YWHAE: variants seen among roughly 807,000 people sequenced by gnomAD.
YWHAE encodes the protein 14-3-3 protein epsilon.
A neutral mutation model predicts 30.1 loss-of-function variants in YWHAE; 4 were observed. That is an observed-to-expected ratio of 0.13 (90% CI 0.07 to 0.30). The LOEUF is 0.30. YWHAE is among the 10% of genes least tolerant of loss of function. YWHAE has a pLI of 1.00. For missense variants in YWHAE, 121 were observed against 315.9 expected (o/e 0.38, Z 4.68); for synonymous variants, 118 against 111.8 (o/e 1.06, Z -0.35).
In YWHAE at chr17:1,384,518, T is replaced by C. The variant is rs540230970; in HGVS notation, c.64+15529A>G. On this transcript the variant is annotated intron_variant, in intron 1 of 5. Coordinates refer to ENST00000264335, the MANE Select transcript of YWHAE (RefSeq NM_006761.5). ...CATCCTGGCTAACACGGTGAAACCC[T>C]GTCTCTACTAAAAATACAAAAAAAA... is the stretch of plus-strand genomic sequence containing the variant. Among the ~76,000 whole-genome samples, 324 of 128,540 alleles carry C rather than the reference T, an allele frequency of 2.5e-3. 1 individual carries two copies. The highest frequency in any genetic ancestry group is 0.012 in the South Asian group (46 of 3,808). The allele number at this position is 128,540 out of a possible 152,430, so 84.3% of individuals were successfully genotyped here.
At chr17:1,374,421 G>GT (rs1661690507) in intron 1 of YWHAE, among the ~76,000 whole-genome samples, 1 of 151,926 alleles carries the variant, frequency 6.6e-6, no homozygotes, top group Non-Finnish European at 1.5e-5. Flanking sequence ...TTAAGTTTTT[G>GT]TATGAATAAA....
intron 2 of YWHAE, among the ~76,000 whole-genome samples, chr17:1,364,215 T>C (rs191712994): frequency 4.2e-3 from 533 of 127,800 alleles, no homozygotes; most frequent in Middle Eastern, 0.011. Flanking sequence ...ACCCAATATA[T>C]TGGTTTTTGG....
At chr17:1,349,220 A>C (rs188653853) in intron 5 of YWHAE, among the ~76,000 whole-genome samples, 9 of 151,892 alleles carry the variant, frequency 5.9e-5, no homozygotes, top group Admixed American at 5.9e-4. Flanking sequence ...GGGCACCTGT[A>C]GTCCCAGCAA....
chr17:1,363,025 G>A (rs150623041), intron 2 of YWHAE, among the ~76,000 whole-genome samples: 533 of 152,086 alleles, frequency 3.5e-3, no homozygotes, highest in Middle Eastern at 0.01. Flanking sequence ...AGTATCTACA[G>A]CAAACCCACC....
intron 4 of YWHAE, among the ~76,000 whole-genome samples, chr17:1,356,311 G>A (rs2072742169): frequency 6.6e-6 from 1 of 152,190 alleles, no homozygotes. Context: ...GGAGGTTGCA[G>A]TGAGGTGAAA....
chr17:1,394,615 T>A (rs538237087), intron 1 of YWHAE, among the ~76,000 whole-genome samples: 294 of 151,052 alleles, frequency 1.9e-3, no homozygotes, highest in Admixed American at 5.7e-3. Flanking sequence ...CAAAAAAAAA[T>A]TTTTTTTTAA....
intron 1 of YWHAE, among the ~76,000 whole-genome samples, chr17:1,394,436 C>CAAAAAAAAAAAAAAAAAA (rs544115909): frequency 1.9e-4 from 11 of 58,562 alleles, no homozygotes; most frequent in African/African-American, 7.9e-4. Flanking sequence ...CTCAAATCCA[C>CAAAAAAAAAAAAAAAAAA]AAAAAAAAAA....
chr17:1,389,305 G>A (rs2073354491), intron 1 of YWHAE, among the ~76,000 whole-genome samples: 1 of 152,098 alleles, frequency 6.6e-6, no homozygotes, highest in African/African-American at 2.4e-5. Flanking sequence ...TCAACATAAA[G>A]GTGTTCACAA....
chr17:1,359,328 G>C (rs1370251419), intron 4 of YWHAE, among the ~76,000 whole-genome samples: 2 of 151,974 alleles, frequency 1.3e-5, no homozygotes, highest in Non-Finnish European at 2.9e-5. Context: ...GTTACCCACA[G>C]AATTTTCAGT....
At chr17:1,394,293 G>A (rs1456375923) in intron 1 of YWHAE, among the ~76,000 whole-genome samples, 1 of 151,968 alleles carries the variant, frequency 6.6e-6, no homozygotes. Flanking sequence ...TGTGAACTGA[G>A]GTACTGCATA....
At chr17:1,374,411 T>G (rs1021402747) in intron 1 of YWHAE, among the ~76,000 whole-genome samples, 1 of 152,206 alleles carries the variant, frequency 6.6e-6, no homozygotes, top group Non-Finnish European at 1.5e-5. Context: ...CGAACGTTCT[T>G]TAAGTTTTTG....
chr17:1,350,928 G>A lies in YWHAE; in HGVS notation c.715+3283C>T, dbSNP rs181490023. 1.2e-3 allele frequency among the ~76,000 whole-genome samples: 188 copies of A among 151,274 alleles called. 1 individual carries two copies. The highest frequency in any genetic ancestry group is 4.1e-3 in the African/African-American group (171 of 41,228). On this transcript the variant is annotated intron_variant, in intron 5 of 5. Transcript: ENST00000264335. ...CAAAAAACTAGCTGGGTATGGTGGCGCACGCCTGTAATCCCAGCTACTCAG... is the reference window on the plus strand; with the variant it reads ...CAAAAAACTAGCTGGGTATGGTGGCACACGCCTGTAATCCCAGCTACTCAG...
chr17:1,352,848 G>C (rs1413092960), intron 5 of YWHAE, among the ~76,000 whole-genome samples: 1 of 152,008 alleles, frequency 6.6e-6, no homozygotes, highest in Non-Finnish European at 1.5e-5. Context: ...ATTCTTAAAG[G>C]AACCGCAGCT....
intron 1 of YWHAE, among the ~76,000 whole-genome samples, chr17:1,388,568 C>A (rs1345596227): frequency 8.7e-6 from 1 of 114,520 alleles, no homozygotes; most frequent in Admixed American, 1.1e-4. Flanking sequence ...GCAAACCATG[C>A]CCAGCCTTTT....
intron 4 of YWHAE, among the ~76,000 whole-genome samples, chr17:1,358,384 C>T (rs879858985): frequency 2.0e-4 from 30 of 152,170 alleles, no homozygotes; most frequent in East Asian, 7.8e-4. Flanking sequence ...GGACTACAGG[C>T]GCCCGCCACC....
chr17:1,373,698 C>T (rs892189331), intron 1 of YWHAE, among the ~76,000 whole-genome samples: 2 of 151,768 alleles, frequency 1.3e-5, no homozygotes, highest in Admixed American at 6.6e-5. Context: ...TGAAATACTG[C>T]ACAAGGTACC....
chr17:1,356,193 C>A (rs1300498493), intron 4 of YWHAE, among the ~76,000 whole-genome samples: 1 of 145,934 alleles, frequency 6.9e-6, no homozygotes, highest in East Asian at 2.0e-4. Flanking sequence ...CACACACACA[C>A]ACACACACAC....
intron 1 of YWHAE, among the ~76,000 whole-genome samples, chr17:1,369,236 C>T (rs1442948864): frequency 2.0e-5 from 3 of 152,160 alleles, no homozygotes; most frequent in Non-Finnish European, 4.4e-5. Context: ...GGAGCAGGGG[C>T]TCACCCCTGT....
chr17:1,360,772 A>T (rs2072851833), intron 4 of YWHAE, among the ~76,000 whole-genome samples: 2 of 152,104 alleles, frequency 1.3e-5, no homozygotes, highest in Non-Finnish European at 2.9e-5. Flanking sequence ...TCTCAAATTT[A>T]AAAAAAGACT....
Sources: allele counts gnomAD v4.1 joint callset (sites outside exome capture counted in the v4.1 genomes callset), GRCh38; gene constraint gnomAD v4.1.1; transcripts MANE v1.5; gene names NCBI Gene and HGNC (gene_info 2026-07-23, HGNC 2026-07-21).